Variants in LIPC observed in about 807,000 individuals in gnomAD.
LIPC encodes hepatic triacylglycerol lipase.
In LIPC, 44 loss-of-function variants were observed where a neutral mutation model predicts 50.7. That is an observed-to-expected ratio of 0.87 (90% CI 0.68 to 1.11). The LOEUF (loss-of-function observed/expected upper bound fraction) is 1.11. LIPC is among the 50% of genes most tolerant of loss of function. The pLI is 0.00. For missense variants in LIPC, 697 were observed against 648.2 expected (o/e 1.08, Z -0.82); for synonymous variants, 271 against 256.4 (o/e 1.06, Z -0.54).
intron 1 of LIPC, among the ~76,000 whole-genome samples, chr15:58,505,995 A>G (rs894059472): frequency 6.6e-5 from 10 of 151,856 alleles, no homozygotes; most frequent in Middle Eastern, 3.2e-3. Flanking sequence ...GAGGAATTCC[A>G]CTGCTTGGGT....
chr15:58,534,111 C>T (rs1361184215), intron 1 of LIPC, among the ~76,000 whole-genome samples: 4 of 152,066 alleles, frequency 2.6e-5, no homozygotes, highest in African/African-American at 9.7e-5. Context: ...TTATGAACCA[C>T]AATAGGAAAC....
Position 58,563,568 on chromosome 15 carries a change from C to T in LIPC, c.1233C>T (p.Gly411=), listed in dbSNP as rs79985029. 758 of 1,614,054 alleles carry T rather than the reference C, an allele frequency of 4.7e-4. 4 individuals are homozygous for T. In the African/African-American group the frequency reaches 8.9e-3, roughly 19 times the overall value. ...TTATCACGCTGGATGTGGATATCGG[C>T]GAGCTGATCATGATCAAGTTCAAGT... ...SFLITLDVDI[G]ELIMIKFKWE... The change falls in exon 8 of 9, where the codon GGC becomes GGT. Residue 411 remains glycine, a synonymous_variant. Transcript: ENST00000299022.
chr15:58,458,545 G>T (rs1894219997), intron 1 of LIPC, among the ~76,000 whole-genome samples: 1 of 152,196 alleles, frequency 6.6e-6, no homozygotes, highest in Non-Finnish European at 1.5e-5. Context: ...CTTACTTGAG[G>T]CTTTGCAACC....
At chr15:58,510,682 C>T (rs1326525432) in intron 1 of LIPC, among the ~76,000 whole-genome samples, 2 of 152,210 alleles carry the variant, frequency 1.3e-5, no homozygotes. Flanking sequence ...GACCAATTCA[C>T]ATAAGACTAT....
intron 1 of LIPC, among the ~76,000 whole-genome samples, chr15:58,445,320 G>A (rs1306227887): frequency 1.3e-5 from 2 of 152,218 alleles, no homozygotes; most frequent in African/African-American, 2.4e-5. Context: ...CCCCAAACCT[G>A]CTCCCTCTGG....
intron 1 of LIPC, among the ~76,000 whole-genome samples, chr15:58,529,535 C>A (rs59288334): frequency 0.026 from 3,939 of 152,306 alleles, 179 homozygotes; most frequent in African/African-American, 0.09. Context: ...AGCTGTCTTC[C>A]GTGATTCAAG....
chr15:58,495,123 G>T (rs1348644251), intron 1 of LIPC, among the ~76,000 whole-genome samples: 1 of 152,184 alleles, frequency 6.6e-6, no homozygotes, highest in Non-Finnish European at 1.5e-5. Context: ...TCCCCACAGA[G>T]CTGGTCAAGC....
intron 1 of LIPC, among the ~76,000 whole-genome samples, chr15:58,508,739 C>T (rs1215511092): frequency 6.6e-6 from 1 of 151,872 alleles, no homozygotes; most frequent in Non-Finnish European, 1.5e-5. Context: ...TTTTTGGACA[C>T]CTTTTCCTCC....
chr15:58,438,720 T>C (rs1893399168), intron 1 of LIPC, among the ~76,000 whole-genome samples: 1 of 152,200 alleles, frequency 6.6e-6, no homozygotes, highest in South Asian at 2.1e-4. Flanking sequence ...GTGCAATTCC[T>C]AAACATGGTC....
intron 1 of LIPC, among the ~76,000 whole-genome samples, chr15:58,463,461 C>A (rs1894425742): frequency 6.6e-6 from 1 of 152,220 alleles, no homozygotes; most frequent in Non-Finnish European, 1.5e-5. Context: ...TGTGCTATAT[C>A]CACAATGCAC....
chr15:58,506,760 G>C (rs1386917021), intron 1 of LIPC, among the ~76,000 whole-genome samples: 1 of 152,168 alleles, frequency 6.6e-6, no homozygotes, highest in Admixed American at 6.5e-5. Context: ...ACCCTGACGT[G>C]GGGGAAGATG....
chr15:58,507,559 G>T (rs1226710792), intron 1 of LIPC, among the ~76,000 whole-genome samples: 3 of 152,186 alleles, frequency 2.0e-5, no homozygotes, highest in Non-Finnish European at 4.4e-5. Flanking sequence ...AACGAAAAGA[G>T]CTCACTAAAG....
intron 1 of LIPC, among the ~76,000 whole-genome samples, chr15:58,442,080 C>G (rs1234615634): frequency 6.6e-6 from 1 of 152,172 alleles, no homozygotes; most frequent in South Asian, 2.1e-4. Flanking sequence ...CTCTTAATAC[C>G]TATGCCCTAG....
chr15:58,550,328 G>T (rs1352026120), intron 6 of LIPC, among the ~76,000 whole-genome samples: 2 of 152,138 alleles, frequency 1.3e-5, no homozygotes, highest in African/African-American at 4.8e-5. Context: ...ATTTGGCCCA[G>T]CCCTAGGACA....
chr15:58,449,997 T>C (rs8031715), intron 1 of LIPC, among the ~76,000 whole-genome samples: 31,806 of 152,096 alleles, frequency 0.21, 3,550 homozygotes, highest in East Asian at 0.31. Context: ...GACCAGCCTG[T>C]CCTCTGTCCA....
chr15:58,563,637 G>A lies in LIPC; in HGVS notation c.1302G>A (p.Gln434=). 1 of 1,614,240 alleles carries A rather than the reference G, an allele frequency of 6.2e-7. No individual in the cohort carries two copies. The highest frequency in any genetic ancestry group is 8.5e-7 in the Non-Finnish European group (1 of 1,180,038). Residue 434 remains glutamine (Q), a synonymous_variant, in exon 8 of 9, where the codon CAG becomes CAA. Transcript: ENST00000299022. ...AVWANVWDTV[Q]TIIPWSTGPR... ...GGGCCAATGTCTGGGACACGGTCCA[G>A]ACCATCATCCCATGGAGCACAGGGC...
At chr15:58,450,661 C>A (rs1893868261) in intron 1 of LIPC, among the ~76,000 whole-genome samples, 4 of 152,180 alleles carry the variant, frequency 2.6e-5, no homozygotes, top group African/African-American at 7.2e-5. Flanking sequence ...CACAAGCTAC[C>A]CACTGGTGGT....
intron 1 of LIPC, among the ~76,000 whole-genome samples, chr15:58,449,040 C>T (rs866982614): frequency 5.3e-5 from 8 of 151,930 alleles, no homozygotes; most frequent in African/African-American, 1.7e-4. Context: ...GGCCGGAAAG[C>T]GCTAGGTGCA....
At chr15:58,494,856 T>A in intron 1 of LIPC, 1 of 456,274 alleles carries the variant, frequency 2.2e-6, no homozygotes, top group Non-Finnish European at 4.4e-6. Context: ...CCTCCCTTCA[T>A]CTGATTTCCT....
Sources: gnomAD v4.1 joint callset for allele counts (sites outside exome capture counted in the v4.1 genomes callset) on GRCh38, gnomAD v4.1.1 for gene constraint, MANE v1.5 for transcripts, NCBI Gene and HGNC (gene_info 2026-07-23, HGNC 2026-07-21) for gene names.